CFAP20DC: variants seen among roughly 807,000 people sequenced by gnomAD.
CFAP20DC encodes the protein protein CFAP20DC.
In CFAP20DC, 84 loss-of-function variants were observed where a neutral mutation model predicts 101.7. The ratio of observed to expected loss-of-function variants is 0.83; its 90% confidence interval spans 0.69 to 0.99. CFAP20DC has a LOEUF of 0.99. Ranked by LOEUF, CFAP20DC falls within the 50% of genes least tolerant of loss-of-function variation. The pLI, the probability that CFAP20DC is intolerant of heterozygous loss-of-function variation, is 0.00. For missense variants in CFAP20DC, 1,007 were observed against 970.3 expected, an observed-to-expected ratio of 1.04 and a Z score of -0.50; for synonymous variants, 359 against 351.2, an observed-to-expected ratio of 1.02 and a Z score of -0.25.
chr3:58,845,623 A>C lies in CFAP20DC; in HGVS notation c.1971+3409T>G, dbSNP rs193019073. On this transcript the variant is annotated intron_variant, in intron 13 of 16. Transcript: ENST00000482387. ...GTACCTTTCCTTCTGAAACTATTCC[A>C]ATCAATACAAAAAGAGGGAATCCTC... 4.1e-3 allele frequency among the ~76,000 whole-genome samples: 619 copies of C among 152,300 alleles called. 3 individuals are homozygous for C. The highest frequency in any genetic ancestry group is 0.014 in the African/African-American group (586 of 41,548).
chr3:58,782,753 G>T (rs1176763700), intron 15 of CFAP20DC, among the ~76,000 whole-genome samples: 1 of 151,976 alleles, frequency 6.6e-6, no homozygotes, highest in Non-Finnish European at 1.5e-5. Context: ...ACTGATGAAA[G>T]AAATTGAAAA....
chr3:59,023,298 C>T (rs191533297), intron 4 of CFAP20DC, among the ~76,000 whole-genome samples: 9 of 151,986 alleles, frequency 5.9e-5, no homozygotes, highest in Non-Finnish European at 1.0e-4. Flanking sequence ...AGGTGCTGTA[C>T]GGATTATACT....
intron 4 of CFAP20DC, among the ~76,000 whole-genome samples, chr3:58,991,032 G>A (rs1489317382): frequency 6.6e-6 from 1 of 152,044 alleles, no homozygotes; most frequent in Non-Finnish European, 1.5e-5. Flanking sequence ...TTGGCACATA[G>A]TGGGCTCTAA....
intron 3 of CFAP20DC, among the ~76,000 whole-genome samples, chr3:58,733,002 T>C (rs1159533614): frequency 1.3e-5 from 2 of 152,206 alleles, no homozygotes; most frequent in Non-Finnish European, 2.9e-5. Context: ...ATTAATTTTG[T>C]CTACGGGGAA....
chr3:58,819,241 C>T (rs533919242), intron 14 of CFAP20DC, among the ~76,000 whole-genome samples: 1 of 151,704 alleles, frequency 6.6e-6, no homozygotes, highest in Non-Finnish European at 1.5e-5. Flanking sequence ...ACTAGAAAAG[C>T]AAGAGCAAAC....
intron 15 of CFAP20DC, among the ~76,000 whole-genome samples, chr3:58,776,056 C>T (rs1237347930): frequency 6.6e-6 from 1 of 152,084 alleles, no homozygotes; most frequent in Non-Finnish European, 1.5e-5. Flanking sequence ...TCTCCCTTTT[C>T]TGAGAACTTG....
chr3:58,742,623 TC>T, intron 16 of CFAP20DC, 51 bp from the exon 17 acceptor site: 1 of 1,414,588 alleles, frequency 7.1e-7, no homozygotes, highest in Non-Finnish European at 9.7e-7. Context: ...TGGCCCGGAA[TC>T]CCCAAACAAG....
intron 4 of CFAP20DC, among the ~76,000 whole-genome samples, chr3:59,034,208 A>C (rs921143420): frequency 1.3e-5 from 2 of 152,228 alleles, no homozygotes; most frequent in Admixed American, 1.3e-4. Context: ...CTAAATATGA[A>C]AAGGAAAAAC....
At chr3:58,878,788 G>T (rs1344743929) in intron 7 of CFAP20DC, among the ~76,000 whole-genome samples, 1 of 152,098 alleles carries the variant, frequency 6.6e-6, no homozygotes, top group Non-Finnish European at 1.5e-5. Flanking sequence ...GAGGGGGGCG[G>T]ATCACAAGGT....
chr3:58,916,400 T>A (rs1017039214), intron 5 of CFAP20DC, among the ~76,000 whole-genome samples: 1 of 152,110 alleles, frequency 6.6e-6, no homozygotes, highest in South Asian at 2.1e-4. Context: ...AACCAGATCC[T>A]TACCCACTGT....
intron 14 of CFAP20DC, among the ~76,000 whole-genome samples, chr3:58,830,489 T>C (rs2076324141): frequency 6.6e-6 from 1 of 152,170 alleles, no homozygotes; most frequent in African/African-American, 2.4e-5. Flanking sequence ...TGTAAGGCAT[T>C]AGGTGCCAGG....
intron 7 of CFAP20DC, among the ~76,000 whole-genome samples, chr3:58,875,102 A>C (rs1029205103): frequency 8.5e-5 from 13 of 152,200 alleles, no homozygotes; most frequent in Admixed American, 2.6e-4. Context: ...AAGGGATAAC[A>C]ATGAACAAAA....
intron 15 of CFAP20DC, among the ~76,000 whole-genome samples, chr3:58,769,570 G>T (rs930100036): frequency 3.3e-5 from 5 of 152,140 alleles, no homozygotes; most frequent in African/African-American, 1.2e-4. Context: ...GTTCTCTGAG[G>T]AAGAACTTGT....
chr3:58,992,053 A>G (rs951238746), intron 4 of CFAP20DC, among the ~76,000 whole-genome samples: 2 of 152,154 alleles, frequency 1.3e-5, no homozygotes, highest in African/African-American at 4.8e-5. Context: ...GCTTGTGGCA[A>G]CCCTATGAAA....
In CFAP20DC at chr3:58,721,955, G is replaced by C. The variant is rs2067479074; in HGVS notation, c.198-4327C>G. ...AGCTCCCTTGAGCCTGGGCTGGCCTGAACTGTAACCAAGAGGATGTGGTGG... is the reference window on the plus strand; with the variant it reads ...AGCTCCCTTGAGCCTGGGCTGGCCTCAACTGTAACCAAGAGGATGTGGTGG... On this transcript the variant is annotated intron_variant, in intron 3 of 3. Coordinates refer to the CFAP20DC transcript ENST00000486145. This position sits in a 1 kb window ranked among gnomAD's most constrained non-coding sequence, Gnocchi z 5.2. 6.6e-6 allele frequency among the ~76,000 whole-genome samples: 1 copy of C among 152,230 alleles called. No homozygotes were observed. Among genetic ancestry groups the C allele is most frequent in the South Asian group, 2.1e-4 (1 of 4,832 alleles).
At chr3:58,772,302 C>A (rs948131729) in intron 15 of CFAP20DC, among the ~76,000 whole-genome samples, 5 of 152,058 alleles carry the variant, frequency 3.3e-5, no homozygotes, top group Admixed American at 3.3e-4. Flanking sequence ...GAAAAGTAGG[C>A]ACATATGTGA....
chr3:58,883,192 G>A (rs2081353501), intron 7 of CFAP20DC, among the ~76,000 whole-genome samples: 1 of 152,114 alleles, frequency 6.6e-6, no homozygotes, highest in Admixed American at 6.5e-5. Context: ...ACTGAGTCTT[G>A]CCAGTTTTCC....
chr3:58,913,215 A>C lies in CFAP20DC; in HGVS notation c.550+493T>G, dbSNP rs2084327997. ...ACTTATAGCCCAGCATTATGATGTG[A>C]CTTATGGAGTCTCTGTATAGTTGCA... On this transcript the variant is annotated intron_variant, in intron 6 of 16. Transcript: ENST00000482387. The surrounding 1 kb of genome is among the most constrained non-coding windows in gnomAD (Gnocchi z 4.4). Among the ~76,000 whole-genome samples the C allele has an allele frequency of 6.6e-6, 1 of 152,126 alleles. No homozygotes were observed. Among genetic ancestry groups the C allele is most frequent in the Non-Finnish European group, 1.5e-5 (1 of 68,006 alleles).
At chr3:58,837,782 C>G (rs1267043962) in intron 13 of CFAP20DC, among the ~76,000 whole-genome samples, 1 of 152,114 alleles carries the variant, frequency 6.6e-6, no homozygotes, top group African/African-American at 2.4e-5. Flanking sequence ...TGTTTTTGGA[C>G]CCCAACATGA....
Sources: gnomAD v4.1 joint callset for allele counts (sites outside exome capture counted in the v4.1 genomes callset) on GRCh38, gnomAD v4.1.1 for gene constraint, Gnocchi (gnomAD v3.1) non-coding constraint, MANE v1.5 for transcripts, NCBI Gene and HGNC (gene_info 2026-07-23, HGNC 2026-07-21) for gene names.